The following TIGAR variants were observed in gnomAD, a reference collection of about 807,000 sequenced individuals.
TIGAR encodes fructose-2,6-bisphosphatase TIGAR.
In TIGAR, 7 loss-of-function variants were observed where a neutral mutation model predicts 17.9. The ratio of observed to expected loss-of-function variants is 0.39; its 90% CI spans 0.22 to 0.73. The LOEUF (loss-of-function observed/expected upper bound fraction) is 0.73. Among genes scored for constraint, TIGAR ranks in the 30% least tolerant of loss-of-function variants. TIGAR has a pLI of 0.42. For synonymous variants in TIGAR, 94 were observed against 108.6 expected (o/e 0.87, Z 0.84); for missense variants, 258 against 327.4 (o/e 0.79, Z 1.64).
At chr12:4,340,273 T>A (rs1215386461) in intron 3 of TIGAR, among the ~76,000 whole-genome samples, 1 of 152,054 alleles carries the variant, frequency 6.6e-6, no homozygotes, top group African/African-American at 2.4e-5. Flanking sequence ...CAATGAATAA[T>A]CTGAAAAAGA....
At chr12:4,336,831 T>G (rs1395413383) in intron 2 of TIGAR, among the ~76,000 whole-genome samples, 1 of 152,196 alleles carries the variant, frequency 6.6e-6, no homozygotes, top group Non-Finnish European at 1.5e-5. Flanking sequence ...GCAAGCATTC[T>G]TTTGGAAAAT....
intron 1 of TIGAR, chr12:4,324,726 C>A: frequency 1.6e-6 from 1 of 643,342 alleles, no homozygotes; most frequent in Admixed American, 2.9e-5. Flanking sequence ...GCTCGCAGGA[C>A]ACGTCCCGTC....
At chr12:4,349,378 TAC>T (rs1340711744) in intron 3 of TIGAR, among the ~76,000 whole-genome samples, 2 of 151,602 alleles carry the variant, frequency 1.3e-5, no homozygotes, top group East Asian at 3.9e-4. Context: ...TACACAGATG[TAC>T]ACAGAGAGGC....
At position 4,352,996 on chromosome 12, in the gene TIGAR, G is replaced by A. The variant is rs1472624611; in HGVS notation, c.*305G>A. 2.7e-5 allele frequency: 8 copies of A among 298,942 alleles called. No individual in the cohort carries two copies. The highest frequency in any genetic ancestry group is 1.3e-4 in the African/African-American group (6 of 46,922). 18.5% of individuals were successfully genotyped at this position (298,942 alleles called of 1,614,324 possible). On this transcript the variant is annotated 3_prime_UTR_variant, in exon 6 of 6. Coordinates refer to ENST00000179259, the MANE Select transcript of TIGAR (RefSeq NM_020375.3). The stretch of plus-strand genomic sequence containing the variant: ...GGGGGATTAGTAACCTTGTTACAAC[G>A]GTTTCTTTTTCATTTTAGCCTATTT...
In TIGAR at chr12:4,321,215, C is replaced by A. The variant is rs1009953880; in HGVS notation, c.-57C>A. ...GGCGGAAGTGGTGTGGGGGAGGTAG[C>A]CCGCAGTGCAGGGGCAGCGCGGCGC... On this transcript the variant is annotated 5_prime_UTR_variant, in exon 1 of 6. Coordinates refer to ENST00000179259, the MANE Select transcript of TIGAR (RefSeq NM_020375.3). The surrounding 1 kb of genome is among the most constrained non-coding windows in gnomAD (Gnocchi z 5.2). 1 of 1,596,402 alleles carries A rather than the reference C, an allele frequency of 6.3e-7. No homozygotes were observed. Among genetic ancestry groups the A allele is most frequent in the East Asian group, 2.2e-5 (1 of 44,642 alleles).
At chr12:4,325,891 A>G (rs943593781) in intron 1 of TIGAR, among the ~76,000 whole-genome samples, 3 of 152,220 alleles carry the variant, frequency 2.0e-5, no homozygotes, top group Non-Finnish European at 2.9e-5. Context: ...TTTCATTTAC[A>G]CTAAAGAACA....
intron 2 of TIGAR, among the ~76,000 whole-genome samples, chr12:4,334,871 T>C (rs992034161): frequency 2.6e-5 from 4 of 152,200 alleles, no homozygotes; most frequent in African/African-American, 7.2e-5. Context: ...AAATATGTCT[T>C]TCTCTGTAAC....
At chr12:4,340,225 A>G (rs895339911) in intron 3 of TIGAR, among the ~76,000 whole-genome samples, 1 of 152,268 alleles carries the variant, frequency 6.6e-6, no homozygotes, top group African/African-American at 2.4e-5. Flanking sequence ...CAGGATGCAA[A>G]GCAAGATACA....
intron 3 of TIGAR, among the ~76,000 whole-genome samples, chr12:4,341,554 G>A (rs924625824): frequency 1.3e-5 from 2 of 152,204 alleles, no homozygotes; most frequent in Non-Finnish European, 2.9e-5. Flanking sequence ...CCAGAGGAGC[G>A]ATCAGGCAGC....
At chr12:4,332,896 T>A (rs1240833205) in intron 2 of TIGAR, among the ~76,000 whole-genome samples, 1 of 152,234 alleles carries the variant, frequency 6.6e-6, no homozygotes, top group Non-Finnish European at 1.5e-5. Context: ...GTCCTAAATA[T>A]CAATTTATGA....
intron 2 of TIGAR, among the ~76,000 whole-genome samples, chr12:4,332,238 C>CT (rs777711454): frequency 0.013 from 1,242 of 95,264 alleles, 22 homozygotes; most frequent in Middle Eastern, 0.015. Flanking sequence ...TCATGTATTT[C>CT]TTTTTTTTTT....
chr12:4,324,768 G>A (rs1260826736), intron 1 of TIGAR: 15 of 678,254 alleles, frequency 2.2e-5, no homozygotes, highest in Non-Finnish European at 1.9e-5. Context: ...GCCGCGGTAG[G>A]TGAGTTTGCG....
rs1246391405 is a variant in TIGAR, at chr12:4,357,780, G to T, written c.*5089G>T. 1.3e-5 allele frequency among the ~76,000 whole-genome samples: 2 copies of T among 152,158 alleles called. No homozygotes were observed. The highest frequency in any genetic ancestry group is 2.1e-4 in the South Asian group (1 of 4,832). ...CAGAAGGCCTGGATTCAGGTTCAAGGCCTGGTTCTTAGTAATTTTGTGACC... is the reference window on the plus strand; with the variant it reads ...CAGAAGGCCTGGATTCAGGTTCAAGTCCTGGTTCTTAGTAATTTTGTGACC... On this transcript the variant is annotated 3_prime_UTR_variant, in exon 6 of 6. Transcript: ENST00000179259.
In TIGAR at chr12:4,331,352, C is replaced by T. The variant is rs1386058062; in HGVS notation, c.70+35C>T. The T allele has an allele frequency of 4.4e-6, 7 of 1,593,610 alleles. No individual in the cohort carries two copies. In the African/African-American group the frequency reaches 9.4e-5, roughly 21 times the overall value. ...ATCCGATTGTTATTTTAGCTCTCAC[C>T]CTTGTGTTAATAAGATGTGTGAGTT... On this transcript the variant is annotated intron_variant, in intron 2 of 5. Coordinates refer to ENST00000179259, the MANE Select transcript of TIGAR (RefSeq NM_020375.3).
chr12:4,335,972 T>G (rs978604580), intron 2 of TIGAR, among the ~76,000 whole-genome samples: 3 of 152,244 alleles, frequency 2.0e-5, no homozygotes, highest in Non-Finnish European at 4.4e-5. Flanking sequence ...ATGCTTACTG[T>G]TACTTGCTTA....
At chr12:4,332,687 A>T (rs1432599018) in intron 2 of TIGAR, among the ~76,000 whole-genome samples, 1 of 152,198 alleles carries the variant, frequency 6.6e-6, no homozygotes, top group Non-Finnish European at 1.5e-5. Context: ...TTCTGTCAGT[A>T]TGGTTTATTT....
chr12:4,336,446 G>GCACACACACACACACACACA (rs10595001), intron 2 of TIGAR, among the ~76,000 whole-genome samples: 33 of 138,568 alleles, frequency 2.4e-4, no homozygotes, highest in African/African-American at 8.1e-4. Flanking sequence ...CAGCAATGCA[G>GCACACACACACACACACACA]CACACACACA....
Position 4,357,225 on chromosome 12 carries a change from A to G in TIGAR, c.*4534A>G, listed in dbSNP as rs950298246. ...TTATGTATACTTGCATGCATATTAC[A>G]TTTACAAGTAGATGAATTCGTGTAA... On this transcript the variant is annotated 3_prime_UTR_variant, in exon 6 of 6. Transcript: ENST00000179259. 2.2e-4 allele frequency among the ~76,000 whole-genome samples: 34 copies of G among 152,236 alleles called. No homozygotes were observed. The highest frequency in any genetic ancestry group is 8.2e-4 in the African/African-American group (34 of 41,458).
At position 4,347,089 on chromosome 12, in the gene TIGAR, A is replaced by G. The variant is rs1028618873; in HGVS notation, c.193-2730A>G. ...GAAAGGAAATCAGGATATTGAAGAG[A>G]TATCTGCACTCCCATATTGCAGCAC... is the stretch of plus-strand genomic sequence containing the variant. On this transcript the variant is annotated intron_variant, in intron 3 of 5. Coordinates refer to ENST00000179259, the MANE Select transcript of TIGAR (RefSeq NM_020375.3). 1.3e-4 allele frequency among the ~76,000 whole-genome samples: 20 copies of G among 152,370 alleles called. No homozygotes were observed. In the South Asian group the frequency reaches 1.7e-3, roughly 13 times the overall value.
Sources: gnomAD v4.1 joint callset for allele counts (sites outside exome capture counted in the v4.1 genomes callset) on GRCh38, gnomAD v4.1.1 for gene constraint, Gnocchi (gnomAD v3.1) non-coding constraint, MANE v1.5 for transcripts, NCBI Gene and HGNC (gene_info 2026-07-23, HGNC 2026-07-21) for gene names.